The following DCDC2C variants were observed in gnomAD, a reference collection of about 807,000 sequenced individuals.
DCDC2C encodes the protein doublecortin domain containing 2C.
DCDC2C carries 44 observed loss-of-function variants against 45.0 expected under a neutral mutation model. The ratio of observed to expected loss-of-function variants is 0.98; its 90% confidence interval spans 0.77 to 1.26. DCDC2C has a LOEUF of 1.26. Among genes scored for constraint, DCDC2C ranks in the 50% most tolerant of loss-of-function variants. DCDC2C has a pLI of 0.00. For missense variants in DCDC2C, 447 were observed against 468.9 expected (o/e 0.95, Z 0.43); for synonymous variants, 187 against 178.8 (o/e 1.05, Z -0.37).
intron 4 of DCDC2C, chr2:3,752,428 A>T (rs888698758): frequency 5.1e-5 from 17 of 331,286 alleles, no homozygotes; most frequent in African/African-American, 3.4e-4. Flanking sequence ...TGTTATAACA[A>T]TGTGGGCCAA....
intron 10 of DCDC2C, among the ~76,000 whole-genome samples, chr2:3,841,789 C>A (rs1450285212): frequency 6.6e-6 from 1 of 152,198 alleles, no homozygotes; most frequent in Non-Finnish European, 1.5e-5. Context: ...GCACTCAACC[C>A]CTGCCTTTTG....
At chr2:3,767,422 G>A (rs994090341) in intron 6 of DCDC2C, among the ~76,000 whole-genome samples, 5 of 152,174 alleles carry the variant, frequency 3.3e-5, no homozygotes, top group Admixed American at 1.3e-4. Context: ...AACCAGAGGC[G>A]CCTCCTTTGA....
chr2:3,745,937 C>T (rs73144846), intron 4 of DCDC2C, among the ~76,000 whole-genome samples: 3,008 of 150,950 alleles, frequency 0.02, 102 homozygotes, highest in African/African-American at 0.069. Context: ...AATTATTCTT[C>T]GTGGTATTAA....
chr2:3,844,637 A>T (rs1345925155), intron 10 of DCDC2C: 1 of 152,272 alleles, frequency 6.6e-6, no homozygotes, highest in African/African-American at 2.4e-5. Context: ...ACATTATACT[A>T]AAGAGGTATG....
intron 10 of DCDC2C, among the ~76,000 whole-genome samples, chr2:3,797,009 T>C (rs1258095949): frequency 1.3e-5 from 2 of 152,196 alleles, no homozygotes; most frequent in Non-Finnish European, 2.9e-5. Context: ...TGGACTCTTT[T>C]TGGTTGGTAA....
At chr2:3,723,035 G>A (rs1238555790) in intron 2 of DCDC2C, among the ~76,000 whole-genome samples, 1 of 152,166 alleles carries the variant, frequency 6.6e-6, no homozygotes, top group South Asian at 2.1e-4. Flanking sequence ...AATGGATGCA[G>A]GTGTGCATTT....
rs201832449 is a variant in DCDC2C, at chr2:3,794,934, C to T, written c.1065+9834C>T. ...TTCTAGTTCTAGATCCCTGAGGAAT[C>T]GCCACACTGACTTCCACAATGGTTG... On this transcript the variant is annotated intron_variant, in intron 10 of 10. Coordinates refer to ENST00000399143, the MANE Select transcript of DCDC2C (RefSeq NM_001287444.2). Among the ~76,000 whole-genome samples the T allele has an allele frequency of 4.4e-4, 67 of 152,224 alleles. No homozygotes were observed. In the East Asian group the frequency reaches 0.012, roughly 26 times the overall value.
chr2:3,802,237 T>C (rs1671132224), intron 10 of DCDC2C, among the ~76,000 whole-genome samples: 1 of 152,212 alleles, frequency 6.6e-6, no homozygotes, highest in Admixed American at 6.5e-5. Context: ...TGTAAGTAAA[T>C]AAAAGCTGTC....
intron 10 of DCDC2C, among the ~76,000 whole-genome samples, chr2:3,803,409 C>T (rs1044670888): frequency 6.6e-6 from 1 of 152,212 alleles, no homozygotes; most frequent in Non-Finnish European, 1.5e-5. Flanking sequence ...GTCCTATCTT[C>T]GTGGGTTCTC....
chr2:3,761,505 C>G lies in DCDC2C; in HGVS notation c.727-6249C>G, dbSNP rs1380409200. On this transcript the variant is annotated intron_variant, in intron 6 of 10. Coordinates refer to ENST00000399143, the MANE Select transcript of DCDC2C (RefSeq NM_001287444.2). The surrounding 1 kb of genome is among the most constrained non-coding windows in gnomAD (Gnocchi z 4.3). ...TGTGAAATGAGTGCTTTGGAATTGA[C>G]ATTTGCTGGCTAATCATGTCAAGGC... Among the ~76,000 whole-genome samples, 1 of 152,196 alleles carries G rather than the reference C, an allele frequency of 6.6e-6. No homozygotes were observed. Among genetic ancestry groups the G allele is most frequent in the Non-Finnish European group, 1.5e-5 (1 of 68,038 alleles).
chr2:3,751,753 T>G lies in DCDC2C; in HGVS notation c.546-1010T>G, dbSNP rs893500381. On this transcript the variant is annotated intron_variant, in intron 4 of 10. Transcript: ENST00000399143. ...AATTCATTCCTTCCTCTCAGGCTCT[T>G]GCAGAAGCTCTGAGCCTCCTCCCAC... is the stretch of plus-strand genomic sequence containing the variant. 4.6e-5 allele frequency among the ~76,000 whole-genome samples: 7 copies of G among 152,344 alleles called. No individual in the cohort carries two copies. In the East Asian group the frequency reaches 1.4e-3, roughly 29 times the overall value.
At chr2:3,710,769 A>T (rs1023857483) in intron 2 of DCDC2C, among the ~76,000 whole-genome samples, 2 of 152,194 alleles carry the variant, frequency 1.3e-5, no homozygotes, top group Non-Finnish European at 2.9e-5. Context: ...TTCACTTAGG[A>T]TAATGGCTGC....
intron 2 of DCDC2C, among the ~76,000 whole-genome samples, chr2:3,713,133 C>T (rs1668261210): frequency 6.6e-6 from 1 of 152,138 alleles, no homozygotes; most frequent in African/African-American, 2.4e-5. Flanking sequence ...CACTCTTTTC[C>T]CAGGAAAAGA....
intron 10 of DCDC2C, among the ~76,000 whole-genome samples, chr2:3,820,522 CG>C (rs1047494036): frequency 1.3e-5 from 2 of 152,130 alleles, no homozygotes; most frequent in Non-Finnish European, 2.9e-5. Context: ...CAGGCAGCCC[CG>C]TGGTGATCAG....
At chr2:3,718,055 G>A (rs548171194) in intron 2 of DCDC2C, among the ~76,000 whole-genome samples, 1 of 152,344 alleles carries the variant, frequency 6.6e-6, no homozygotes, top group South Asian at 2.1e-4. Context: ...TGACTTGTCT[G>A]TGTCCCTCTG....
At chr2:3,790,380 C>T (rs1011877950) in intron 10 of DCDC2C, among the ~76,000 whole-genome samples, 1 of 152,176 alleles carries the variant, frequency 6.6e-6, no homozygotes, top group Non-Finnish European at 1.5e-5. Context: ...CATTTTCCAT[C>T]GCCTGCAGCT....
intron 8 of DCDC2C, among the ~76,000 whole-genome samples, chr2:3,773,231 G>C (rs12711971): frequency 0.25 from 35,458 of 144,676 alleles, 4,298 homozygotes; most frequent in South Asian, 0.39. Flanking sequence ...ATTATCGCCA[G>C]TCTTTAACGA....
chr2:3,800,067 G>A (rs1421365157), intron 10 of DCDC2C, among the ~76,000 whole-genome samples: 5 of 152,134 alleles, frequency 3.3e-5, no homozygotes, highest in African/African-American at 9.6e-5. Context: ...ATATAATCTC[G>A]TGGTGCGCCG....
intron 1 of DCDC2C, among the ~76,000 whole-genome samples, chr2:3,707,015 T>A (rs1488742457): frequency 6.6e-6 from 1 of 152,196 alleles, no homozygotes; most frequent in East Asian, 1.9e-4. Flanking sequence ...GGGTGGTTTC[T>A]TCCCTTCCTT....
Sources: allele counts gnomAD v4.1 joint callset (sites outside exome capture counted in the v4.1 genomes callset), GRCh38; gene constraint gnomAD v4.1.1; non-coding constraint Gnocchi (gnomAD v3.1); transcripts MANE v1.5; gene names NCBI Gene and HGNC (gene_info 2026-07-23, HGNC 2026-07-21).